The following ZDHHC11B variants were observed in gnomAD, a reference collection of about 807,000 sequenced individuals.
The protein encoded by ZDHHC11B is zDHHC palmitoyltransferase 11B (putative).
Under a neutral mutation model 42.3 loss-of-function variants are expected in ZDHHC11B, and 17 were observed. That is an observed-to-expected ratio of 0.40 (90% CI 0.27 to 0.60). The LOEUF (loss-of-function observed/expected upper bound fraction) is 0.60. Ranked by LOEUF, ZDHHC11B falls within the 20% of genes least tolerant of loss-of-function variation. ZDHHC11B has a pLI of 0.41. For missense variants in ZDHHC11B, 262 were observed against 463.2 expected, an observed-to-expected ratio of 0.57 and a Z score of 3.99; for synonymous variants, 123 against 193.5, an observed-to-expected ratio of 0.64 and a Z score of 3.02.
chr5:726,032 A>G (rs1484816683), intron 12 of ZDHHC11B, among the ~76,000 whole-genome samples: 8 of 143,834 alleles, frequency 5.6e-5, no homozygotes, highest in African/African-American at 2.1e-4. Context: ...TCCCACTTTC[A>G]TTCCAGCTGG....
chr5:751,079 C>T (rs1302173330), intron 7 of ZDHHC11B, 54 bp downstream of exon 7: 23 of 881,202 alleles, frequency 2.6e-5, no homozygotes, highest in African/African-American at 3.5e-5. Flanking sequence ...TACTACCGCC[C>T]GGAAAGACGG....
intron 12 of ZDHHC11B, among the ~76,000 whole-genome samples, chr5:719,895 T>A (rs552920727): frequency 6.6e-6 from 1 of 151,770 alleles, no homozygotes; most frequent in Non-Finnish European, 1.5e-5. Flanking sequence ...AGTAGCATGA[T>A]GAAATGTCAT....
chr5:773,559 G>A (rs901858091), intron 1 of ZDHHC11B, among the ~76,000 whole-genome samples: 10 of 151,798 alleles, frequency 6.6e-5, no homozygotes, highest in African/African-American at 2.2e-4. Context: ...CACCATCTCA[G>A]CTGTGCCCTG....
rs181410762 is a variant in ZDHHC11B at position 765,831 on chromosome 5, T to C, written c.222+867A>G. Among the ~76,000 whole-genome samples, 102 of 152,004 alleles carry C rather than the reference T, an allele frequency of 6.7e-4. 4 individuals carry two copies. The highest frequency in any genetic ancestry group is 1.8e-3 in the Admixed American group (28 of 15,260). ...CTCCAGACACGCCGCCTTTAAGAAC[T>C]GTAACACTCACCGCGAGGGTCTGCG... On this transcript the variant is annotated intron_variant, in intron 4 of 13. Coordinates refer to ENST00000508859, the MANE Select transcript of ZDHHC11B (RefSeq NM_001351303.2).
chr5:737,779 A>G (rs1480135102), intron 10 of ZDHHC11B, among the ~76,000 whole-genome samples: 1 of 148,798 alleles, frequency 6.7e-6, no homozygotes, highest in Non-Finnish European at 1.5e-5. Context: ...ACTCATCAAA[A>G]TCAGCACAGA....
chr5:770,724 C>G (rs1450076791), intron 1 of ZDHHC11B, among the ~76,000 whole-genome samples: 1 of 152,008 alleles, frequency 6.6e-6, no homozygotes, highest in African/African-American at 2.4e-5. Context: ...ATGCTCTTCC[C>G]AGGAGCCCTG....
chr5:765,985 C>T (rs1412813542), intron 4 of ZDHHC11B, among the ~76,000 whole-genome samples: 1 of 151,898 alleles, frequency 6.6e-6, no homozygotes, highest in Non-Finnish European at 1.5e-5. Flanking sequence ...TCCAGTGCCC[C>T]AAGGCACCGA....
chr5:772,646 A>G (rs1306605186), intron 1 of ZDHHC11B, among the ~76,000 whole-genome samples: 1 of 151,732 alleles, frequency 6.6e-6, no homozygotes, highest in African/African-American at 2.4e-5. Context: ...CACGGGAGTG[A>G]GTCCACGGGC....
At chr5:722,680 C>A (rs1171242376) in intron 12 of ZDHHC11B, among the ~76,000 whole-genome samples, 7 of 151,568 alleles carry the variant, frequency 4.6e-5, no homozygotes, top group Non-Finnish European at 1.5e-5. Flanking sequence ...ATGGTTGCAC[C>A]TGTACAACAG....
intron 1 of ZDHHC11B, among the ~76,000 whole-genome samples, chr5:779,007 G>A (rs1277503107): frequency 6.6e-6 from 1 of 151,478 alleles, no homozygotes; most frequent in Non-Finnish European, 1.5e-5. Flanking sequence ...AAGGGCCCTT[G>A]TCGGACGCCA....
chr5:761,223 G>A (rs143129900), intron 4 of ZDHHC11B, among the ~76,000 whole-genome samples: 19 of 151,996 alleles, frequency 1.3e-4, no homozygotes, highest in Admixed American at 7.2e-4. Context: ...GAGGACACCC[G>A]TGTCTGGAGG....
Position 768,922 on chromosome 5 carries a change from TCTC to T in ZDHHC11B, c.-224_-222del, listed in dbSNP as rs1311814232. On this transcript the variant is annotated 5_prime_UTR_variant, in exon 2 of 14. Coordinates refer to ENST00000508859, the MANE Select transcript of ZDHHC11B (RefSeq NM_001351303.2). ...AGCGAGCTCAAGTCCACCGGGTGGG[TCTC>T]CTCCTCTGCAACACGGACATGGCGG... is the stretch of plus-strand genomic sequence containing the variant. 2.0e-6 allele frequency: 1 copy of T among 493,980 alleles called. No homozygotes were observed. Among genetic ancestry groups the T allele is most frequent in the African/African-American group, 2.2e-5 (1 of 45,214 alleles). 30.6% of individuals were successfully genotyped at this position (493,980 alleles called of 1,614,324 possible).
At chr5:767,106 G>C (rs892136835) in intron 3 of ZDHHC11B, among the ~76,000 whole-genome samples, 187 bp from the exon 4 acceptor site, 22 of 151,942 alleles carry the variant, frequency 1.4e-4, no homozygotes, top group Non-Finnish European at 7.4e-5. Flanking sequence ...AGTCGGTGCA[G>C]GGCCCTGTCC....
chr5:727,323 C>T (rs1742668666), intron 12 of ZDHHC11B, among the ~76,000 whole-genome samples: 2 of 141,620 alleles, frequency 1.4e-5, no homozygotes. Context: ...CTTCTGGGTC[C>T]TTATTGTGGC....
At chr5:724,666 CA>C (rs1742437305) in intron 12 of ZDHHC11B, among the ~76,000 whole-genome samples, 1 of 145,716 alleles carries the variant, frequency 6.9e-6, no homozygotes, top group Non-Finnish European at 1.5e-5. Context: ...ATCAGTTACA[CA>C]CACACACACA....
chr5:774,208 G>C (rs1283543112), intron 1 of ZDHHC11B, among the ~76,000 whole-genome samples: 93 of 152,136 alleles, frequency 6.1e-4, no homozygotes, highest in African/African-American at 2.1e-3. Flanking sequence ...GAATCTCCTG[G>C]GAAATGCCTT....
chr5:758,818 C>A (rs1403068723), intron 4 of ZDHHC11B, among the ~76,000 whole-genome samples: 1 of 151,928 alleles, frequency 6.6e-6, no homozygotes, highest in African/African-American at 2.4e-5. Context: ...CTTTGGCCAG[C>A]GAGGTCCGCG....
At chr5:749,603 T>C (rs546205435) in intron 7 of ZDHHC11B, among the ~76,000 whole-genome samples, 1 of 130,116 alleles carries the variant, frequency 7.7e-6, no homozygotes, top group Non-Finnish European at 1.7e-5. Flanking sequence ...GCCTTGCTGG[T>C]TTTGAAGCCC....
intron 12 of ZDHHC11B, among the ~76,000 whole-genome samples, chr5:729,359 C>T (rs1307173540): frequency 1.5e-4 from 23 of 151,212 alleles, no homozygotes; most frequent in Admixed American, 8.6e-4. Flanking sequence ...TAGGCCAGGA[C>T]GGCTGCAGCT....
Sources: gnomAD v4.1 joint callset for allele counts (sites outside exome capture counted in the v4.1 genomes callset) on GRCh38, gnomAD v4.1.1 for gene constraint, MANE v1.5 for transcripts, NCBI Gene and HGNC (gene_info 2026-07-23, HGNC 2026-07-21) for gene names.